ADA2: variants seen among roughly 807,000 people sequenced by gnomAD.
The protein encoded by ADA2 is adenosine deaminase 2, also known as adenosine deaminase CECR1.
Under a neutral mutation model 44.2 loss-of-function variants are expected in ADA2, and 29 were observed. That is an observed-to-expected ratio of 0.66 (90% CI 0.49 to 0.89). The LOEUF (loss-of-function observed/expected upper bound fraction) is 0.89, where lower values mean the gene tolerates loss of function less well. Ranked by LOEUF, ADA2 falls within the 40% of genes least tolerant of loss-of-function variation. The pLI is 0.00. For synonymous variants in ADA2, 215 were observed against 234.9 expected (o/e 0.92, Z 0.77); for missense variants, 637 against 644.8 (o/e 0.99, Z 0.13).
At chr22:17,212,939 A>G (rs1402082403) in intron 1 of ADA2, among the ~76,000 whole-genome samples, 6 of 143,772 alleles carry the variant, frequency 4.2e-5, no homozygotes, top group Middle Eastern at 3.2e-3. Flanking sequence ...TGAGTGTAGT[A>G]CCACTACACT....
rs374170344 is a variant in ADA2, at chr22:17,184,983, A to AATATAT, written c.1082-2228_1082-2223dup. On this transcript the variant is annotated intron_variant, in intron 7 of 9. Coordinates refer to ENST00000399837, the MANE Select transcript of ADA2 (RefSeq NM_001282225.2). Reference sequence around the variant, plus strand: ...CTGGGTGACAGAGTGCCCATGTCAAAATATATATATATATATATATATATG... The same window carrying AATATAT: ...CTGGGTGACAGAGTGCCCATGTCAAAATATATATATATATATATATATATATATATG... Among the ~76,000 whole-genome samples, 349 of 78,728 alleles carry AATATAT rather than the reference A, an allele frequency of 4.4e-3. 43 individuals are homozygous for AATATAT. Among genetic ancestry groups the AATATAT allele is most frequent in the African/African-American group, 0.014 (256 of 17,844 alleles). 51.6% of individuals were successfully genotyped at this position (78,728 alleles called of 152,430 possible).
At position 17,207,243 on chromosome 22, in the gene ADA2, G is replaced by A. The variant is rs2123709418; in HGVS notation, c.370C>T (p.Leu124=). 2 of 1,613,136 alleles carry A rather than the reference G, an allele frequency of 1.2e-6. No individual in the cohort carries two copies. Among genetic ancestry groups the A allele is most frequent in the Middle Eastern group, 1.7e-4 (1 of 5,990 alleles). The change falls in exon 3 of 10, where the codon CTG becomes TTG. Residue 124 remains leucine (L), a synonymous_variant. Coordinates refer to ENST00000399837, the MANE Select transcript of ADA2 (RefSeq NM_001282225.2). ...GGCCTGTAGGTGACATTCCTCACCAGCCAGTCCATAGTCACGATGCCAATG... is the reference window on the plus strand; with the variant it reads ...GGCCTGTAGGTGACATTCCTCACCAACCAGTCCATAGTCACGATGCCAATG... ...HDIGIVTMDW[L]VRNVTYRPHC... is the part of the protein sequence containing the mutation.
At chr22:17,195,891 G>GC (rs2062184533) in intron 4 of ADA2, among the ~76,000 whole-genome samples, 1 of 151,756 alleles carries the variant, frequency 6.6e-6, no homozygotes, top group Admixed American at 6.6e-5. Context: ...GGGATTACAG[G>GC]CACATGCCAC....
At chr22:17,219,774 A>C (rs560343912), upstream of ADA2, among the ~76,000 whole-genome samples, 1 of 146,644 alleles carries the variant, frequency 6.8e-6, no homozygotes, top group East Asian at 2.0e-4. Flanking sequence ...TCCCGGGTTC[A>C]AGCAGTTCTC....
chr22:17,197,018 C>G (rs5747019), intron 4 of ADA2, among the ~76,000 whole-genome samples: 17,893 of 151,924 alleles, frequency 0.12, 1,178 homozygotes, highest in East Asian at 0.27. Context: ...ACTAAAAATA[C>G]AAAAATTAGC....
intron 3 of ADA2, among the ~76,000 whole-genome samples, chr22:17,206,669 T>G (rs2062356730): frequency 6.6e-6 from 1 of 152,038 alleles, no homozygotes; most frequent in Non-Finnish European, 1.5e-5. Context: ...AGATAGGGTT[T>G]TATTTTGTCA....
rs1055060065 is a variant in ADA2, at chr22:17,180,250, A to G, written c.*1233T>C. The G allele has an allele frequency of 1.4e-4, 22 of 152,420 alleles. No individual in the cohort carries two copies. The highest frequency in any genetic ancestry group is 5.3e-4 in the African/African-American group (22 of 41,454). The allele number at this position is 152,420 out of a possible 1,614,324, so 9.4% of individuals were successfully genotyped here. On this transcript the variant is annotated 3_prime_UTR_variant, in exon 10 of 10. Transcript: ENST00000399837. ...CTGTTGTCATAGCTCAGGCAGGAGT[A>G]TGGTAGCTTGGACTTGGCAACAGCG...
intron 4 of ADA2, chr22:17,199,445 C>CACCCACCCCAACACAA: frequency 8.9e-7 from 1 of 1,123,200 alleles, no homozygotes; most frequent in African/African-American, 1.5e-5. Flanking sequence ...TCCTCTTCCC[C>CACCCACCCCAACACAA]TCCACCCACG....
chr22:17,214,065 A>C, intron 1 of ADA2: 1 of 531,846 alleles, frequency 1.9e-6, no homozygotes, highest in Admixed American at 2.8e-5. Flanking sequence ...AAAAAATAGC[A>C]TCCAAAACCC....
intron 3 of ADA2, among the ~76,000 whole-genome samples, chr22:17,205,455 G>T: frequency 6.6e-6 from 1 of 152,258 alleles, no homozygotes; most frequent in Non-Finnish European, 1.5e-5. Context: ...CCAGCCTGTG[G>T]TATTCTGTTA....
chr22:17,212,181 C>T (rs538079776), intron 1 of ADA2, among the ~76,000 whole-genome samples: 33 of 151,732 alleles, frequency 2.2e-4, no homozygotes, highest in Middle Eastern at 3.4e-3. Context: ...CGTGCCACCA[C>T]GCCCGGCTAA....
intron 4 of ADA2, chr22:17,199,446 T>TCCCCTCCACTATCCTCTTCACCA: frequency 1.1e-6 from 1 of 917,628 alleles, no homozygotes; most frequent in Non-Finnish European, 1.7e-6. Flanking sequence ...CCTCTTCCCC[T>TCCCCTCCACTATCCTCTTCACCA]CCACCCACGA....
At chr22:17,200,140 C>T (rs545936108) in intron 4 of ADA2, among the ~76,000 whole-genome samples, 13 of 151,988 alleles carry the variant, frequency 8.6e-5, no homozygotes, top group African/African-American at 3.1e-4. Flanking sequence ...GGTTACAATG[C>T]GCCAAGATCA....
chr22:17,217,330 GCA>G (rs1231761304), intron 1 of ADA2, among the ~76,000 whole-genome samples: 1 of 152,136 alleles, frequency 6.6e-6, no homozygotes, highest in African/African-American at 2.4e-5. Flanking sequence ...ACCTTGCACA[GCA>G]CAGTCAATCA....
At chr22:17,215,746 T>C (rs2062464518) in intron 1 of ADA2, among the ~76,000 whole-genome samples, 1 of 152,122 alleles carries the variant, frequency 6.6e-6, no homozygotes, top group Non-Finnish European at 1.5e-5. Context: ...CTAAGGAAGT[T>C]GATCTCATAG....
At chr22:17,199,143 A>C (rs1362849130) in intron 4 of ADA2, among the ~76,000 whole-genome samples, 7 of 151,330 alleles carry the variant, frequency 4.6e-5, no homozygotes, top group Non-Finnish European at 8.8e-5. Flanking sequence ...CCAGAATCCC[A>C]AATCCTAGCA....
At chr22:17,196,039 G>A (rs543608523) in intron 4 of ADA2, among the ~76,000 whole-genome samples, 38 of 151,930 alleles carry the variant, frequency 2.5e-4, no homozygotes, top group African/African-American at 4.1e-4. Flanking sequence ...GAGCCACTGC[G>A]CCCGGCAAGA....
intron 1 of ADA2, chr22:17,213,476 G>A (rs1003657247): frequency 1.8e-5 from 4 of 221,962 alleles, no homozygotes; most frequent in African/African-American, 4.7e-5. Flanking sequence ...AAGAAAACGT[G>A]GCAAGTCCAT....
chr22:17,190,991 C>T (rs1432582035), intron 5 of ADA2, among the ~76,000 whole-genome samples: 2 of 152,224 alleles, frequency 1.3e-5, no homozygotes, highest in African/African-American at 2.4e-5. Context: ...CAGAGGGAGC[C>T]GCTGCCGGAT....
Sources: allele counts gnomAD v4.1 joint callset (sites outside exome capture counted in the v4.1 genomes callset), GRCh38; gene constraint gnomAD v4.1.1; transcripts MANE v1.5; gene names NCBI Gene and HGNC (gene_info 2026-07-23, HGNC 2026-07-21).